The following CSGALNACT1 variants were observed in gnomAD, a reference collection of about 807,000 sequenced individuals.
The protein encoded by CSGALNACT1 is beta4GalNAcT-1.
In CSGALNACT1, 52 loss-of-function variants were observed where a neutral mutation model predicts 51.0. That is an observed-to-expected ratio of 1.02 (90% CI 0.82 to 1.29). The LOEUF (loss-of-function observed/expected upper bound fraction) is 1.29, where lower values mean the gene tolerates loss of function less well. CSGALNACT1 is among the 50% of genes most tolerant of loss of function. CSGALNACT1 has a pLI of 0.00. For synonymous variants in CSGALNACT1, 341 were observed against 254.4 expected (o/e 1.34, Z -3.24); for missense variants, 935 against 679.2 (o/e 1.38, Z -4.19).
In CSGALNACT1 at chr8:19,529,763, T is replaced by C. The variant is rs922251711; in HGVS notation, c.-296-23633A>G. Among the ~76,000 whole-genome samples, 5 of 152,306 alleles carry C rather than the reference T, an allele frequency of 3.3e-5. No homozygotes were observed. The South Asian group carries it at 6.2e-4, about 19-fold the overall frequency. On this transcript the variant is annotated intron_variant, in intron 3 of 9. Transcript: ENST00000454498. The stretch of plus-strand genomic sequence containing the variant: ...AATCCATGTATGCACAGCTCCCTTA[T>C]GCAAAATGGTGCAGTACTTGTGTAT...
intron 1 of CSGALNACT1, among the ~76,000 whole-genome samples, chr8:19,713,598 C>T (rs1344515230): frequency 1.3e-5 from 2 of 152,108 alleles, no homozygotes; most frequent in Non-Finnish European, 2.9e-5. Flanking sequence ...CACAGAGACA[C>T]ACACAGAATG....
intron 3 of CSGALNACT1, chr8:19,591,143 T>A (rs1446893948): frequency 6.6e-6 from 1 of 152,140 alleles, no homozygotes; most frequent in African/African-American, 2.4e-5. Context: ...GAAGAAGAGA[T>A]CAGGACCTGG....
At chr8:19,654,611 G>C (rs4922076) in intron 1 of CSGALNACT1, among the ~76,000 whole-genome samples, 75,331 of 151,964 alleles carry the variant, frequency 0.5, 19,097 homozygotes, top group Middle Eastern at 0.61. Flanking sequence ...GTGTTGTGAT[G>C]TCAGCTCACT....
chr8:19,501,245 T>C (rs2076363838), intron 4 of CSGALNACT1, among the ~76,000 whole-genome samples: 2 of 33,834 alleles, frequency 5.9e-5, no homozygotes, highest in African/African-American at 2.4e-4. Context: ...AGACTCCGTC[T>C]CAAAAAAAAA....
Position 19,632,666 on chromosome 8 carries a change from T to A in CSGALNACT1, c.-543-30801A>T, listed in dbSNP as rs537554506. 2.6e-5 allele frequency among the ~76,000 whole-genome samples: 4 copies of A among 152,324 alleles called. No individual in the cohort carries two copies. In the East Asian group the frequency reaches 7.7e-4, roughly 29 times the overall value. ...AGAAACTTCAAGTAAAACACTGAAATACTCACATCTCAGCAGTGCTAAGAA... is the reference window on the plus strand; with the variant it reads ...AGAAACTTCAAGTAAAACACTGAAAAACTCACATCTCAGCAGTGCTAAGAA... On this transcript the variant is annotated intron_variant, in intron 1 of 9. Transcript: ENST00000332246.
intron 1 of CSGALNACT1, among the ~76,000 whole-genome samples, chr8:19,644,709 CAAAAAAAAAAAAAAAA>C (rs756025465): frequency 4.5e-5 from 1 of 22,292 alleles, no homozygotes; most frequent in Non-Finnish European, 9.6e-5. Context: ...GACTCCGTCT[CAAAAAAAAAAAAAAAA>C]AAAAAAAAAA....
At chr8:19,475,620 C>T (rs528774112) in intron 4 of CSGALNACT1, among the ~76,000 whole-genome samples, 20 of 152,190 alleles carry the variant, frequency 1.3e-4, no homozygotes, top group Middle Eastern at 3.4e-3. Flanking sequence ...TGACACACAA[C>T]GAGTAAGTAA....
At chr8:19,544,004 G>A (rs965369194) in intron 3 of CSGALNACT1, among the ~76,000 whole-genome samples, 3 of 152,038 alleles carry the variant, frequency 2.0e-5, no homozygotes, top group African/African-American at 7.2e-5. Context: ...AAAGACACTT[G>A]TTCTTCCCTC....
intron 1 of CSGALNACT1, among the ~76,000 whole-genome samples, chr8:19,660,594 G>A (rs1049149346): frequency 2.6e-5 from 4 of 152,148 alleles, no homozygotes; most frequent in African/African-American, 9.7e-5. Context: ...TACATCTAAA[G>A]AGTCTGGGGT....
At chr8:19,592,203 T>C (rs1325173529) in intron 2 of CSGALNACT1, among the ~76,000 whole-genome samples, 1 of 152,220 alleles carries the variant, frequency 6.6e-6, no homozygotes, top group African/African-American at 2.4e-5. Context: ...GAAAATAGTT[T>C]AAAGGACATT....
At chr8:19,439,534 A>G (rs1271146926) in intron 6 of CSGALNACT1, among the ~76,000 whole-genome samples, 3 of 152,170 alleles carry the variant, frequency 2.0e-5, no homozygotes, top group Non-Finnish European at 4.4e-5. Context: ...GCTAAAAATG[A>G]TGACACCCAG....
chr8:19,680,486 G>A (rs953919792), intron 1 of CSGALNACT1, among the ~76,000 whole-genome samples: 2 of 151,256 alleles, frequency 1.3e-5, no homozygotes, highest in African/African-American at 2.4e-5. Flanking sequence ...AACCCAGGAG[G>A]TGGAGGTTGC....
chr8:19,469,322 T>C (rs2067519047), intron 4 of CSGALNACT1, among the ~76,000 whole-genome samples: 2 of 152,014 alleles, frequency 1.3e-5, no homozygotes, highest in Non-Finnish European at 2.9e-5. Flanking sequence ...GCCCAGGAGA[T>C]CGAGGCTACA....
intron 1 of CSGALNACT1, among the ~76,000 whole-genome samples, chr8:19,646,819 C>A (rs1305901953): frequency 1.3e-5 from 2 of 152,146 alleles, no homozygotes; most frequent in Non-Finnish European, 2.9e-5. Context: ...GTGAAGCTTA[C>A]CACCATCTAT....
At chr8:19,545,947 A>G (rs2086368173) in intron 3 of CSGALNACT1, among the ~76,000 whole-genome samples, 1 of 151,310 alleles carries the variant, frequency 6.6e-6, no homozygotes. Context: ...AAAATAAAAT[A>G]AAGCTCACAA....
intron 1 of CSGALNACT1, among the ~76,000 whole-genome samples, chr8:19,675,585 T>G: frequency 6.6e-6 from 1 of 151,848 alleles, no homozygotes. Context: ...CTCCGCCTCC[T>G]GAGTTCAAGT....
At chr8:19,629,145 C>T (rs540871887) in intron 1 of CSGALNACT1, among the ~76,000 whole-genome samples, 1 of 152,290 alleles carries the variant, frequency 6.6e-6, no homozygotes, top group African/African-American at 2.4e-5. Flanking sequence ...TCTGTAAAGA[C>T]TTTTGAGAGC....
At chr8:19,612,775 A>G (rs191246376) in intron 1 of CSGALNACT1, among the ~76,000 whole-genome samples, 1 of 152,038 alleles carries the variant, frequency 6.6e-6, no homozygotes, top group East Asian at 1.9e-4. Flanking sequence ...TAAAGTGGCT[A>G]TTCTCTCTTT....
chr8:19,706,128 T>C (rs1286847224), intron 1 of CSGALNACT1, among the ~76,000 whole-genome samples: 1 of 151,914 alleles, frequency 6.6e-6, no homozygotes, highest in African/African-American at 2.4e-5. Context: ...ACAAAGCAAA[T>C]AGCATGCAAG....
Sources: gnomAD v4.1 joint callset for allele counts (sites outside exome capture counted in the v4.1 genomes callset) on GRCh38, gnomAD v4.1.1 for gene constraint, MANE v1.5 for transcripts, NCBI Gene and HGNC (gene_info 2026-07-23, HGNC 2026-07-21) for gene names.